Variants in PCDH15 observed in about 807,000 individuals in gnomAD.
The protein encoded by PCDH15 is protocadherin related 15, also known as protocadherin-15.
A neutral mutation model predicts 178.5 loss-of-function variants in PCDH15; 129 were observed. That is an observed-to-expected ratio of 0.72 (90% confidence interval 0.63 to 0.84). PCDH15 has a LOEUF of 0.84. Among genes scored for constraint, PCDH15 ranks in the 40% least tolerant of loss-of-function variants. The pLI is 0.00. For missense variants in PCDH15, 2,230 were observed against 2,099.9 expected, an observed-to-expected ratio of 1.06 and a Z score of -1.21; for synonymous variants, 800 against 732.0, an observed-to-expected ratio of 1.09 and a Z score of -1.50.
chr10:54,853,163 G>A (rs1163777325), intron 3 of PCDH15, among the ~76,000 whole-genome samples: 1 of 150,702 alleles, frequency 6.6e-6, no homozygotes, highest in Non-Finnish European at 1.5e-5. Flanking sequence ...GGGAGGCTGA[G>A]GCAGGAGAAT....
At chr10:54,862,761 C>T (rs2131782531) in intron 3 of PCDH15, among the ~76,000 whole-genome samples, 1 of 152,324 alleles carries the variant, frequency 6.6e-6, no homozygotes, top group Admixed American at 6.5e-5. Context: ...GTGGGACATG[C>T]TCACTGTCCT....
At chr10:55,083,818 A>G (rs1386974262) in intron 2 of PCDH15, among the ~76,000 whole-genome samples, 2 of 151,824 alleles carry the variant, frequency 1.3e-5, no homozygotes, top group African/African-American at 4.8e-5. Context: ...CCCATTTACA[A>G]TAGCTACAAA....
rs111253981 is a variant in PCDH15, at chr10:55,125,151, AT to A, written c.-80+41424del. The stretch of plus-strand genomic sequence containing the variant: ...CAATCAAAATTAGGATACTTTTTGA[AT>A]TTTTTTTTAATTGTGTGTGTGTGTG... On this transcript the variant is annotated intron_variant, in intron 2 of 5. Transcript: ENST00000458638. Among the ~76,000 whole-genome samples, 316 of 109,144 alleles carry A rather than the reference AT, an allele frequency of 2.9e-3. 3 individuals carry two copies. The highest frequency in any genetic ancestry group is 0.02 in the South Asian group (57 of 2,850). 71.6% of individuals were successfully genotyped at this position (109,144 alleles called of 152,430 possible). A position where few individuals can be genotyped will look rare whatever the true frequency, so the allele number is the denominator to read the frequency against.
rs1198623205 is a variant in PCDH15 at position 55,597,144 on chromosome 10, T to C, written c.-156+30481A>G. 2.6e-5 allele frequency: 4 copies of C among 152,324 alleles called. No individual in the cohort carries two copies. In the East Asian group the frequency reaches 5.8e-4, roughly 22 times the overall value. 9.4% of individuals were successfully genotyped at this position (152,324 alleles called of 1,614,324 possible). A position where few individuals can be genotyped will look rare whatever the true frequency, so the allele number is the denominator to read the frequency against. On this transcript the variant is annotated intron_variant, in intron 2 of 5. Coordinates refer to the PCDH15 transcript ENST00000613346. ...GGGAGCCTGATCCCTGCGGAATCGA[T>C]TGTGGCTGGACTTATCTTGAATATT...
At chr10:55,190,533 A>T (rs1351571162) in intron 1 of PCDH15, among the ~76,000 whole-genome samples, 1 of 151,788 alleles carries the variant, frequency 6.6e-6, no homozygotes, top group Non-Finnish European at 1.5e-5. Context: ...TAAAACCCTT[A>T]CATACCAATT....
intron 2 of PCDH15, among the ~76,000 whole-genome samples, chr10:55,112,954 T>C (rs186231067): frequency 1.6e-4 from 24 of 152,302 alleles, no homozygotes; most frequent in Admixed American, 1.6e-3. Context: ...GGCGTAATAC[T>C]GTGCTTAAAA....
chr10:55,248,036 T>C (rs532728073), intron 1 of PCDH15: 10 of 151,308 alleles, frequency 6.6e-5, no homozygotes, highest in Admixed American at 6.6e-4. Flanking sequence ...ATTTCTATTT[T>C]TATATACATA....
intron 14 of PCDH15, among the ~76,000 whole-genome samples, chr10:54,140,033 C>A (rs2043246116): frequency 6.6e-6 from 1 of 151,962 alleles, no homozygotes; most frequent in African/African-American, 2.4e-5. Flanking sequence ...ATCTTCATGC[C>A]TGTACAAAGA....
intron 21 of PCDH15, among the ~76,000 whole-genome samples, chr10:53,988,076 T>A (rs1487573442): frequency 6.6e-6 from 1 of 152,196 alleles, no homozygotes; most frequent in African/African-American, 2.4e-5. Context: ...GCCCGATCCA[T>A]CCCAGGCTCT....
chr10:54,443,252 C>A (rs760468318), intron 3 of PCDH15, among the ~76,000 whole-genome samples: 1 of 151,466 alleles, frequency 6.6e-6, no homozygotes, highest in Non-Finnish European at 1.5e-5. Context: ...TATTAAATAT[C>A]TTTTTACATG....
intron 2 of PCDH15, among the ~76,000 whole-genome samples, chr10:55,068,041 T>C (rs1312595135): frequency 1.3e-5 from 2 of 152,072 alleles, no homozygotes; most frequent in East Asian, 1.9e-4. Flanking sequence ...TAAAAAGTTG[T>C]CTCTACAGTC....
chr10:55,385,113 A>C (rs760562074), intron 2 of PCDH15, among the ~76,000 whole-genome samples: 4 of 152,210 alleles, frequency 2.6e-5, no homozygotes, highest in African/African-American at 4.8e-5. Context: ...AGGGAGTCAA[A>C]GAATTACATG....
chr10:54,563,333 G>A lies in PCDH15; in HGVS notation c.92-35456C>T, dbSNP rs182555827. On this transcript the variant is annotated intron_variant, in intron 2 of 37. Transcript: ENST00000644397. ...CCTGGGGAACTTCCGCTTTTTTAGCGCTTTTCCTCTGGTGGGTTTGTTCTT... is the reference window on the plus strand; with the variant it reads ...CCTGGGGAACTTCCGCTTTTTTAGCACTTTTCCTCTGGTGGGTTTGTTCTT... 7.9e-4 allele frequency among the ~76,000 whole-genome samples: 120 copies of A among 152,184 alleles called. 1 individual carries two copies. Among genetic ancestry groups the A allele is most frequent in the Middle Eastern group, 3.4e-3 (1 of 294 alleles).
chr10:54,871,923 A>G (rs1464156819), intron 3 of PCDH15, among the ~76,000 whole-genome samples: 1 of 152,068 alleles, frequency 6.6e-6, no homozygotes, highest in Admixed American at 6.6e-5. Flanking sequence ...TTTCCAGATA[A>G]AAAGGATGAG....
At chr10:54,112,913 C>T (rs10763069) in intron 15 of PCDH15, among the ~76,000 whole-genome samples, 46,648 of 152,016 alleles carry the variant, frequency 0.31, 8,428 homozygotes, top group East Asian at 0.87. Context: ...TGATTAGTTA[C>T]GTAGACTGAA....
chr10:55,369,568 C>T (rs1039164114), intron 2 of PCDH15, among the ~76,000 whole-genome samples: 1 of 152,018 alleles, frequency 6.6e-6, no homozygotes, highest in African/African-American at 2.4e-5. Flanking sequence ...TATACAAATA[C>T]ATTAACTAAA....
chr10:54,544,728 G>A (rs1374485589), intron 2 of PCDH15, among the ~76,000 whole-genome samples: 1 of 151,988 alleles, frequency 6.6e-6, no homozygotes, highest in Non-Finnish European at 1.5e-5. Context: ...TAGTTCTAAC[G>A]GCATACACGC....
At chr10:54,044,779 A>G in intron 18 of PCDH15, among the ~76,000 whole-genome samples, 1 of 152,178 alleles carries the variant, frequency 6.6e-6, no homozygotes, top group East Asian at 1.9e-4. Context: ...AAAAACATCA[A>G]AATCAGGTAA....
intron 15 of PCDH15, among the ~76,000 whole-genome samples, chr10:54,094,523 G>A (rs1381161969): frequency 6.6e-6 from 1 of 152,126 alleles, no homozygotes; most frequent in Non-Finnish European, 1.5e-5. Flanking sequence ...GGTGAAAACA[G>A]GCCTGGTGAG....
Sources: allele counts gnomAD v4.1 joint callset (sites outside exome capture counted in the v4.1 genomes callset), GRCh38; gene constraint gnomAD v4.1.1; transcripts MANE v1.5; gene names NCBI Gene and HGNC (gene_info 2026-07-23, HGNC 2026-07-21).